Variants in STXBP3 observed in about 807,000 individuals in gnomAD.
STXBP3 encodes the protein syntaxin-binding protein 3.
Under a neutral mutation model 85.7 loss-of-function variants are expected in STXBP3, and 41 were observed. The ratio of observed to expected loss-of-function variants is 0.48; its 90% confidence interval spans 0.37 to 0.62. The LOEUF is 0.62. Ranked by LOEUF, STXBP3 falls within the 20% of genes least tolerant of loss-of-function variation. STXBP3 has a pLI of 0.00. For missense variants in STXBP3, 563 were observed against 703.1 expected (o/e 0.80, Z 2.25); for synonymous variants, 229 against 231.7 (o/e 0.99, Z 0.10).
chr1:108,754,530 T>C (rs1470213133), intron 3 of STXBP3, among the ~76,000 whole-genome samples: 1 of 152,188 alleles, frequency 6.6e-6, no homozygotes, highest in Admixed American at 6.5e-5. Context: ...GTGAGAACCA[T>C]TTGATAATAC....
intron 9 of STXBP3, 44 bp from the exon 10 acceptor site, chr1:108,782,378 A>AG: frequency 1.5e-6 from 2 of 1,373,652 alleles, no homozygotes; most frequent in Non-Finnish European, 1.0e-6. Context: ...TTGATTTTGG[A>AG]GGGAAAAAAA....
chr1:108,753,018 G>A (rs528474229), intron 2 of STXBP3, 45 bp from the exon 3 acceptor site: 3 of 1,431,912 alleles, frequency 2.1e-6, no homozygotes, highest in South Asian at 1.4e-5. Flanking sequence ...TTCATTCTTG[G>A]TAATAGGATG....
intron 6 of STXBP3, chr1:108,766,759 T>C (rs1662271946): frequency 5.0e-6 from 1 of 198,494 alleles, no homozygotes; most frequent in Admixed American, 6.1e-5. Flanking sequence ...TGGACCATAG[T>C]AAGCAGAAAG....
At chr1:108,788,688 C>G (rs1662910499) in intron 11 of STXBP3, among the ~76,000 whole-genome samples, 1 of 152,072 alleles carries the variant, frequency 6.6e-6, no homozygotes, top group Non-Finnish European at 1.5e-5. Context: ...CTTATCCTTT[C>G]AATATGTGTA....
intron 17 of STXBP3, among the ~76,000 whole-genome samples, chr1:108,803,726 T>C (rs532921420): frequency 1.3e-5 from 2 of 152,304 alleles, no homozygotes; most frequent in Non-Finnish European, 1.5e-5. Flanking sequence ...TGACCTTTGA[T>C]CTACGCACCT....
At chr1:108,778,662 A>C (rs1297959400) in intron 8 of STXBP3, among the ~76,000 whole-genome samples, 1 of 139,432 alleles carries the variant, frequency 7.2e-6, no homozygotes, top group Non-Finnish European at 1.6e-5. Context: ...TAATATTTAG[A>C]GCTCAAATAG....
At chr1:108,775,832 A>C (rs1293482512) in intron 7 of STXBP3, among the ~76,000 whole-genome samples, 1 of 152,142 alleles carries the variant, frequency 6.6e-6, no homozygotes, top group African/African-American at 2.4e-5. Flanking sequence ...CGATACATAG[A>C]ATCCAATATA....
At chr1:108,772,907 G>A in intron 7 of STXBP3, 88 bp downstream of exon 7, 1 of 1,268,132 alleles carries the variant, frequency 7.9e-7, no homozygotes, top group Non-Finnish European at 1.0e-6. Context: ...TGGCATGTTG[G>A]TTTGCAAAAT....
intron 17 of STXBP3, among the ~76,000 whole-genome samples, chr1:108,803,904 T>C (rs1435024737): frequency 6.6e-6 from 1 of 152,252 alleles, no homozygotes; most frequent in Non-Finnish European, 1.5e-5. Context: ...TATTCTGCTG[T>C]TTCCAGGGTT....
At chr1:108,750,967 G>A (rs1473563362) in intron 1 of STXBP3, among the ~76,000 whole-genome samples, 2 of 152,236 alleles carry the variant, frequency 1.3e-5, no homozygotes, top group Non-Finnish European at 2.9e-5. Context: ...AAGCATAGGT[G>A]CTTCTATCCA....
intron 17 of STXBP3, among the ~76,000 whole-genome samples, chr1:108,807,190 G>T (rs1449520919): frequency 6.6e-6 from 1 of 151,154 alleles, no homozygotes; most frequent in Non-Finnish European, 1.5e-5. Context: ...CCCAGGAGGC[G>T]GAGGTTGCAG....
In STXBP3 at chr1:108,776,336, A is replaced by G. The variant is rs1662591658; in HGVS notation, c.597A>G (p.Lys199=). Residue 199 remains lysine (K), a synonymous_variant, in exon 8 of 19, where the codon AAA becomes AAG. Coordinates refer to ENST00000370008, the MANE Select transcript of STXBP3 (RefSeq NM_007269.4). ...TGATCCTTTTTTCCATTTCTAGTAAACCTCTAGATAATGCCAGTAAGCTTG... is the reference window on the plus strand; with the variant it reads ...TGATCCTTTTTTCCATTTCTAGTAAGCCTCTAGATAATGCCAGTAAGCTTG... The part of the protein sequence containing the change: ...DENPGVRYKS[K]PLDNASKLAQ... The G allele has an allele frequency of 3.8e-6, 6 of 1,596,134 alleles. No individual in the cohort carries two copies. Among genetic ancestry groups the G allele is most frequent in the Non-Finnish European group, 5.1e-6 (6 of 1,170,048 alleles).
At chr1:108,750,823 C>G (rs539818374) in intron 1 of STXBP3, among the ~76,000 whole-genome samples, 3 of 152,302 alleles carry the variant, frequency 2.0e-5, no homozygotes, top group East Asian at 3.9e-4. Context: ...CCTTCCCTTT[C>G]AGGTTCATTA....
intron 17 of STXBP3, among the ~76,000 whole-genome samples, chr1:108,801,869 A>C (rs944717100): frequency 6.6e-6 from 1 of 151,788 alleles, no homozygotes; most frequent in African/African-American, 2.4e-5. Context: ...GGGTCTCACT[A>C]TGTTGCCCAG....
intron 6 of STXBP3, among the ~76,000 whole-genome samples, chr1:108,763,065 A>G (rs1052189758): frequency 1.3e-5 from 2 of 152,236 alleles, no homozygotes; most frequent in African/African-American, 4.8e-5. Context: ...ACATAAAAGA[A>G]TATTTGCACA....
chr1:108,796,387 C>A lies in STXBP3; in HGVS notation c.1249+15C>A. On this transcript the variant is annotated intron_variant, in intron 14 of 18. Coordinates refer to ENST00000370008, the MANE Select transcript of STXBP3 (RefSeq NM_007269.4). ...CAGTATTAATGGTAATGGAGATAAT[C>A]ACTTTTTAATAAGTATTTTACTATT... The A allele has an allele frequency of 7.0e-7, 1 of 1,436,928 alleles. No individual in the cohort carries two copies. Among genetic ancestry groups the A allele is most frequent in the South Asian group, 1.2e-5 (1 of 81,528 alleles). The allele number at this position is 1,436,928 out of a possible 1,614,324, so 89.0% of individuals were successfully genotyped here.
At chr1:108,805,246 A>G (rs1287311119) in intron 17 of STXBP3, among the ~76,000 whole-genome samples, 1 of 152,112 alleles carries the variant, frequency 6.6e-6, no homozygotes, top group African/African-American at 2.4e-5. Flanking sequence ...TTCTTAAGCC[A>G]AAGTTATTAA....
intron 6 of STXBP3, among the ~76,000 whole-genome samples, chr1:108,762,384 T>C (rs1327335512): frequency 1.3e-5 from 2 of 152,172 alleles, no homozygotes; most frequent in Non-Finnish European, 2.9e-5. Context: ...GAATAGGCTA[T>C]ATAAGGGTGA....
intron 6 of STXBP3, 99 bp from the exon 7 acceptor site, chr1:108,772,566 T>G (rs1055884376): frequency 2.5e-6 from 1 of 395,774 alleles, no homozygotes; most frequent in Non-Finnish European, 3.6e-6. Context: ...ATGATATATA[T>G]CTATATAATA....
Sources: allele counts gnomAD v4.1 joint callset (sites outside exome capture counted in the v4.1 genomes callset), GRCh38; gene constraint gnomAD v4.1.1; transcripts MANE v1.5; gene names NCBI Gene and HGNC (gene_info 2026-07-23, HGNC 2026-07-21).